The following FAT1 variants were observed in gnomAD, a reference collection of about 807,000 sequenced individuals.
FAT1 encodes the protein FAT atypical cadherin 1.
In FAT1, 171 loss-of-function variants were observed where a neutral mutation model predicts 329.8. The ratio of observed to expected loss-of-function variants is 0.52; its 90% CI spans 0.46 to 0.59. The LOEUF (loss-of-function observed/expected upper bound fraction) is 0.59, where lower values mean the gene tolerates loss of function less well. Among genes scored for constraint, FAT1 ranks in the 20% least tolerant of loss-of-function variants. The pLI is 0.00. For synonymous variants in FAT1, 2,233 were observed against 2,228.6 expected (o/e 1.00, Z -0.06); for missense variants, 5,672 against 5,774.4 (o/e 0.98, Z 0.57).
chr4:186,704,930 A>G (rs1744498362), intron 2 of FAT1, among the ~76,000 whole-genome samples: 1 of 150,278 alleles, frequency 6.7e-6, no homozygotes, highest in Non-Finnish European at 1.5e-5. Context: ...ATATATTACA[A>G]CTTCCAAAAT....
chr4:186,592,423 T>A (rs975354945), intron 26 of FAT1, among the ~76,000 whole-genome samples: 3 of 151,958 alleles, frequency 2.0e-5, no homozygotes, highest in African/African-American at 4.8e-5. Context: ...ACTTCTGAAC[T>A]TTTTCTTGAT....
At position 186,603,629 on chromosome 4, in the gene FAT1, G is replaced by C. The variant is rs2126430946; in HGVS notation, c.10897C>G (p.Gln3633Glu). 6.2e-7 allele frequency: 1 copy of C among 1,614,000 alleles called. No individual in the cohort carries two copies. Among genetic ancestry groups the C allele is most frequent in the Non-Finnish European group, 8.5e-7 (1 of 1,179,884 alleles). ...TVADITVHIR[Q>E]VTQEMLNHTI... The stretch of plus-strand genomic sequence containing the variant: ...TGGTTCAACATCTCCTGTGTGACTT[G>C]TCTGATATGCACTGTGATGTCGGCC... Residue 3633 changes from glutamine to glutamate, a missense_variant, in exon 19 of 27, where the codon CAA becomes GAA. Gln to Glu is a conservative substitution (Grantham distance 29). Coordinates refer to ENST00000441802, the MANE Select transcript of FAT1 (RefSeq NM_005245.4).
chr4:186,667,981 T>C (rs865868467), intron 2 of FAT1, among the ~76,000 whole-genome samples: 13 of 152,216 alleles, frequency 8.5e-5, no homozygotes, highest in Middle Eastern at 3.4e-3. Flanking sequence ...GGTGGGGCTA[T>C]AACCATGAGG....
At chr4:186,645,537 A>C (rs901198258) in intron 3 of FAT1, among the ~76,000 whole-genome samples, 1 of 150,956 alleles carries the variant, frequency 6.6e-6, no homozygotes, top group Non-Finnish European at 1.5e-5. Flanking sequence ...TAAGTTGCTT[A>C]CTCAACGTCA....
At chr4:186,606,347 C>A in intron 16 of FAT1, 134 bp from the exon 17 acceptor site, 1 of 843,472 alleles carries the variant, frequency 1.2e-6, no homozygotes, top group Non-Finnish European at 1.8e-6. Context: ...TGCCTGTGAG[C>A]GATGCCCTAA....
intron 4 of FAT1, among the ~76,000 whole-genome samples, chr4:186,637,314 C>A (rs1288652279): frequency 6.6e-6 from 1 of 152,176 alleles, no homozygotes; most frequent in Non-Finnish European, 1.5e-5. Flanking sequence ...TTCTTAAAAA[C>A]AACACACTCT....
intron 2 of FAT1, among the ~76,000 whole-genome samples, chr4:186,704,067 C>G (rs1222044065): frequency 6.6e-6 from 1 of 152,174 alleles, no homozygotes; most frequent in Non-Finnish European, 1.5e-5. Flanking sequence ...CACTTTTGTT[C>G]ATTTCCAAAA....
At position 186,707,774 on chromosome 4, in the gene FAT1, T is replaced by C. The variant is rs1314781353; in HGVS notation, c.2054A>G (p.Glu685Gly). 5.6e-6 allele frequency: 9 copies of C among 1,613,638 alleles called. No individual in the cohort carries two copies. The African/African-American group carries it at 1.1e-4, about 19-fold the overall frequency. Residue 685 changes from glutamate (E) to glycine (G), a missense_variant, in exon 2 of 27, where the codon GAG becomes GGG. Physicochemically the swap from Glu to Gly is moderately conservative, Grantham distance 98 (BLOSUM62 -2). This residue lies in a region of FAT1 where 3,966 missense variants were observed against 3,915.2 expected (regional missense o/e 1.01). Coordinates refer to ENST00000441802, the MANE Select transcript of FAT1 (RefSeq NM_005245.4). ...TAATTTATTTGCCTGCAGGAGCTTC[T>C]CTGCCAGCATTTTGGCAACACCAGT... is the stretch of plus-strand genomic sequence containing the variant. The part of the protein sequence containing the change: ...EETGVAKMLA[E>G]KLLQANKLHN...
At position 186,611,864 on chromosome 4, in the gene FAT1, C is replaced by T; in HGVS notation, c.9464-89G>A. 4.8e-6 allele frequency: 5 copies of T among 1,050,180 alleles called. 1 individual carries two copies. The South Asian group carries it at 8.5e-5, about 18-fold the overall frequency. The allele number at this position is 1,050,180 out of a possible 1,614,324, so 65.1% of individuals were successfully genotyped here. ...TTTGAGATGGAGTCTCCCTCTGTCG[C>T]CCAGGCTGGAGTGCAGTGGCGTGAT... On this transcript the variant is annotated intron_variant, in intron 13 of 26. Coordinates refer to ENST00000441802, the MANE Select transcript of FAT1 (RefSeq NM_005245.4).
At chr4:186,653,693 T>G (rs1399081687) in intron 3 of FAT1, among the ~76,000 whole-genome samples, 3 of 152,182 alleles carry the variant, frequency 2.0e-5, no homozygotes, top group African/African-American at 4.8e-5. Context: ...GGCAGAAAAT[T>G]CAAATTTTAT....
At chr4:186,719,556 A>G (rs1171833775) in intron 1 of FAT1, among the ~76,000 whole-genome samples, 1 of 152,168 alleles carries the variant, frequency 6.6e-6, no homozygotes, top group Non-Finnish European at 1.5e-5. Flanking sequence ...AAATCAACCA[A>G]GTTTGCAAAC....
In FAT1 at chr4:186,619,221, G is replaced by C. The variant is rs746365351; in HGVS notation, c.7365C>G (p.His2455Gln). The change falls in exon 10 of 27, where the codon CAC becomes CAG. Residue 2455 changes from histidine (H) to glutamine (Q), a missense_variant. His to Gln is a conservative substitution (Grantham distance 24). Transcript: ENST00000441802. ...TAAGACTGTAAAATGGCTTCAGGGCGTGCCGGTGCAGGTTTGAGAGGGTGA... is the reference window on the plus strand; with the variant it reads ...TAAGACTGTAAAATGGCTTCAGGGCCTGCCGGTGCAGGTTTGAGAGGGTGA... ...GIITLSNLHR[H>Q]ALKPFYSLNL... is the part of the protein sequence containing the mutation. 2 of 1,613,998 alleles carry C rather than the reference G, an allele frequency of 1.2e-6. No individual in the cohort carries two copies. Among genetic ancestry groups the C allele is most frequent in the Admixed American group, 1.7e-5 (1 of 60,034 alleles).
Position 186,709,799 on chromosome 4 carries a change from A to G in FAT1, c.29T>C (p.Leu10Pro), listed in dbSNP as rs202138193. The change falls in exon 2 of 27, where the codon CTT becomes CCT. Residue 10 changes from leucine (L) to proline (P), a missense_variant. By Grantham distance (98) the Leu-to-Pro change is moderately conservative. Coordinates refer to ENST00000441802, the MANE Select transcript of FAT1 (RefSeq NM_005245.4). MGRHLALLLLLLLLFQHFGD... is the reference protein window; with the variant it reads MGRHLALLLPLLLLFQHFGD... ...AAAATGTTGGAAGAGAAGGAGCAGA[A>G]GCAGGAGCAAAGCCAAATGTCTCCC... 2 of 1,607,738 alleles carry G rather than the reference A, an allele frequency of 1.2e-6. No individual in the cohort carries two copies. Among genetic ancestry groups the G allele is most frequent in the East Asian group, 4.5e-5 (2 of 44,760 alleles).
Position 186,708,926 on chromosome 4 carries a change from T to A in FAT1, c.902A>T (p.Gln301Leu). 2 of 1,614,026 alleles carry A rather than the reference T, an allele frequency of 1.2e-6. No homozygotes were observed. The highest frequency in any genetic ancestry group is 1.7e-6 in the Non-Finnish European group (2 of 1,179,880). Residue 301 changes from glutamine (Q) to leucine (L), a missense_variant, in exon 2 of 27, where the codon CAG becomes CTG. Physicochemically the swap from Gln to Leu is moderately radical, Grantham distance 113 (BLOSUM62 -2). Coordinates refer to ENST00000441802, the MANE Select transcript of FAT1 (RefSeq NM_005245.4). ...AAAGGACCTCACTGTTCTAAACTGC[T>A]GGAGAAGGTCACCTGCCACGATGCT... ...SLSIVAGDLL[Q>L]QFRTVRSFPG...
rs983524169 is a variant in FAT1 at position 186,596,720 on chromosome 4, C to A, written c.12820G>T (p.Glu4274Ter). 6.2e-7 allele frequency: 1 copy of A among 1,613,816 alleles called. No homozygotes were observed. The highest frequency in any genetic ancestry group is 8.5e-7 in the Non-Finnish European group (1 of 1,179,848). The change falls in exon 25 of 27, where the codon GAA (glutamate) becomes TAA (stop). Residue 4274 changes from glutamate (E) to a stop codon, truncating the protein, a stop_gained. Coordinates refer to ENST00000441802, the MANE Select transcript of FAT1 (RefSeq NM_005245.4). LOFTEE classifies it high-confidence loss of function. The surrounding 1 kb of genome is among the most constrained non-coding windows in gnomAD (Gnocchi z 4.7). The stretch of plus-strand genomic sequence containing the variant: ...GGATGCTCTGGGATAGCAGATCCTT[C>A]GAAGGAATTTCGGTCCAGATTGTTT... ...SRNNLDRNSF[E>*]GSAIPEHPEF... is the part of the protein sequence containing the mutation.
At chr4:186,687,034 A>T (rs1399490755) in intron 2 of FAT1, among the ~76,000 whole-genome samples, 2 of 152,242 alleles carry the variant, frequency 1.3e-5, no homozygotes, top group Non-Finnish European at 2.9e-5. Context: ...ATCCCTCATT[A>T]GCCTTTATCT....
intron 2 of FAT1, among the ~76,000 whole-genome samples, chr4:186,679,187 T>C (rs1374705297): frequency 2.6e-5 from 4 of 152,052 alleles, no homozygotes; most frequent in African/African-American, 9.7e-5. Flanking sequence ...GAGACCATCC[T>C]GGCAAACACA....
chr4:186,692,118 A>C, intron 2 of FAT1, among the ~76,000 whole-genome samples: 1 of 152,204 alleles, frequency 6.6e-6, no homozygotes, highest in East Asian at 1.9e-4. Context: ...ATTTCCAAAC[A>C]GAAATAATGT....
At chr4:186,706,462 G>C (rs2126681314) in intron 2 of FAT1, 101 bp downstream of exon 2, 1 of 1,292,186 alleles carries the variant, frequency 7.7e-7, no homozygotes, top group Non-Finnish European at 1.1e-6. Flanking sequence ...CGAGCCCAAA[G>C]AGCAACAGGG....
Sources: allele counts gnomAD v4.1 joint callset (sites outside exome capture counted in the v4.1 genomes callset), GRCh38; gene constraint gnomAD v4.1.1; regional missense constraint gnomAD v4.1.1; non-coding constraint Gnocchi (gnomAD v3.1); transcripts MANE v1.5; gene names NCBI Gene and HGNC (gene_info 2026-07-23, HGNC 2026-07-21).